FAM219A: variants seen among roughly 807,000 people sequenced by gnomAD.
FAM219A encodes the protein family with sequence similarity 219 member A.
FAM219A carries 7 observed loss-of-function variants against 23.4 expected under a neutral mutation model. That is an observed-to-expected ratio of 0.30 (90% CI 0.17 to 0.56). The LOEUF is 0.56. FAM219A is among the 20% of genes least tolerant of loss of function. The pLI, the probability that FAM219A is intolerant of heterozygous loss-of-function variation, is 0.92. For missense variants in FAM219A, 166 were observed against 246.9 expected, an observed-to-expected ratio of 0.67 and a Z score of 2.20; for synonymous variants, 93 against 99.0, an observed-to-expected ratio of 0.94 and a Z score of 0.36.
chr9:34,421,005 T>TGAGAGAGAGAGAGAGAGAGA (rs1413300702), intron 1 of FAM219A, among the ~76,000 whole-genome samples: 6 of 41,500 alleles, frequency 1.4e-4, no homozygotes, highest in African/African-American at 4.5e-4. Context: ...TGTGTGTGTG[T>TGAGAGAGAGAGAGAGAGAGA]GTGTGAGAGA....
chr9:34,445,459 T>TTA (rs2132009921), intron 1 of FAM219A, among the ~76,000 whole-genome samples: 2 of 152,298 alleles, frequency 1.3e-5, no homozygotes, highest in South Asian at 4.1e-4. Context: ...GAATGGGAGT[T>TTA]TATATTGATC....
Position 34,414,038 on chromosome 9 carries a change from T to C in FAM219A, c.61-8074A>G, listed in dbSNP as rs574022731. On this transcript the variant is annotated intron_variant, in intron 1 of 5. Coordinates refer to ENST00000651358, the MANE Select transcript of FAM219A (RefSeq NM_001184940.2). The stretch of plus-strand genomic sequence containing the variant: ...GTGTAGAAATAAGCATGTTTAGGTA[T>C]CAACTTTTAGAGGGAGACCCAGCAA... Among the ~76,000 whole-genome samples the C allele has an allele frequency of 2.0e-4, 31 of 152,224 alleles. 1 individual carries two copies. Among genetic ancestry groups the C allele is most frequent in the Non-Finnish European group, 4.3e-4 (29 of 68,030 alleles).
intron 1 of FAM219A, among the ~76,000 whole-genome samples, chr9:34,409,479 G>A (rs531807328): frequency 1.1e-4 from 16 of 152,318 alleles, no homozygotes; most frequent in South Asian, 2.1e-4. Flanking sequence ...GAACTAGAGT[G>A]GAGATTAACA....
intron 1 of FAM219A, among the ~76,000 whole-genome samples, chr9:34,433,461 C>A (rs1323393408): frequency 6.6e-6 from 1 of 152,214 alleles, no homozygotes. Context: ...CTCATCTCCC[C>A]ACCTTGTCTC....
At chr9:34,446,210 G>C (rs1275296587) in intron 1 of FAM219A, among the ~76,000 whole-genome samples, 2 of 150,490 alleles carry the variant, frequency 1.3e-5, no homozygotes, top group Non-Finnish European at 3.0e-5. Flanking sequence ...GGGAATTAAA[G>C]ATAGGGATAA....
chr9:34,439,109 G>T (rs891482132), intron 1 of FAM219A, among the ~76,000 whole-genome samples: 2 of 152,086 alleles, frequency 1.3e-5, no homozygotes, highest in African/African-American at 4.8e-5. Context: ...GCGAGACCAC[G>T]AACCCACCAG....
chr9:34,452,198 C>T (rs186559041), intron 1 of FAM219A, among the ~76,000 whole-genome samples: 37 of 152,280 alleles, frequency 2.4e-4, no homozygotes, highest in Non-Finnish European at 1.8e-4. Context: ...GGCAGATGAG[C>T]GTGTTTCTCA....
At position 34,400,806 on chromosome 9, in the gene FAM219A, C is replaced by T. The variant is rs954156803; in HGVS notation, c.*158G>A. 10 of 717,460 alleles carry T rather than the reference C, an allele frequency of 1.4e-5. No individual in the cohort carries two copies. Among genetic ancestry groups the T allele is most frequent in the Middle Eastern group, 4.1e-4 (1 of 2,426 alleles). 44.4% of individuals were successfully genotyped at this position (717,460 alleles called of 1,614,324 possible). On this transcript the variant is annotated 3_prime_UTR_variant, in exon 6 of 6. Transcript: ENST00000651358. The stretch of plus-strand genomic sequence containing the variant: ...AGCTCCATGAACACACAGAGGTACA[C>T]GTCCTACCATAGGAGGAAGCAATGA...
chr9:34,416,808 A>ATTTTT (rs781741211), intron 1 of FAM219A, among the ~76,000 whole-genome samples: 6 of 113,630 alleles, frequency 5.3e-5, no homozygotes, highest in East Asian at 2.5e-4. Flanking sequence ...TCAGCTCTCC[A>ATTTTT]TTTTTTTTTT....
At chr9:34,420,841 G>A (rs1221250310) in intron 1 of FAM219A, among the ~76,000 whole-genome samples, 3 of 152,014 alleles carry the variant, frequency 2.0e-5, no homozygotes, top group African/African-American at 4.8e-5. Context: ...TTAGCCGGGT[G>A]TGGTAGCATG....
At chr9:34,421,937 G>A (rs1822299067) in intron 1 of FAM219A, among the ~76,000 whole-genome samples, 1 of 152,102 alleles carries the variant, frequency 6.6e-6, no homozygotes. Flanking sequence ...TGTTAATACA[G>A]CGACCACACT....
chr9:34,404,689 C>T (rs1005113182), intron 2 of FAM219A, among the ~76,000 whole-genome samples: 1 of 151,198 alleles, frequency 6.6e-6, no homozygotes, highest in African/African-American at 2.5e-5. Flanking sequence ...GCCTGGACAA[C>T]AGAGAGAGAC....
chr9:34,447,131 G>A (rs1236384521), intron 1 of FAM219A, among the ~76,000 whole-genome samples: 4 of 152,236 alleles, frequency 2.6e-5, no homozygotes, highest in African/African-American at 9.6e-5. Flanking sequence ...CACACATGTA[G>A]TGTAGTTTCT....
chr9:34,436,192 GTTA>G (rs1156437158), intron 1 of FAM219A, among the ~76,000 whole-genome samples: 4 of 151,570 alleles, frequency 2.6e-5, no homozygotes, highest in South Asian at 2.1e-4. Context: ...CTATTATAAT[GTTA>G]TTATAAAATT....
rs761725999 is a variant in FAM219A, at chr9:34,401,650, A to C, written c.399+16T>G. 2 of 1,604,612 alleles carry C rather than the reference A, an allele frequency of 1.2e-6. No individual in the cohort carries two copies. The highest frequency in any genetic ancestry group is 1.7e-6 in the Non-Finnish European group (2 of 1,177,214). On this transcript the variant is annotated intron_variant, in intron 5 of 5. Transcript: ENST00000651358. The stretch of plus-strand genomic sequence containing the variant: ...CTGCCCGGTGGTGTCTAGGGTGAGA[A>C]GGGGTAGGGGCTCACCTCAGCAGAG...
rs143749316 is a variant in FAM219A, at chr9:34,421,009, TGAGA to T, written c.61-15049_61-15046del. Among the ~76,000 whole-genome samples, 217 of 86,418 alleles carry T rather than the reference TGAGA, an allele frequency of 2.5e-3. 2 individuals are homozygous for T. The highest frequency in any genetic ancestry group is 8.0e-3 in the East Asian group (27 of 3,382). 56.7% of individuals were successfully genotyped at this position (86,418 alleles called of 152,430 possible). Reference sequence around the variant, plus strand: ...GTGTGTGTATGTGTGTGTGTGTGTGTGAGAGAGAGAGAGAGAGAGAGAGAGAGAG... The same window carrying T: ...GTGTGTGTATGTGTGTGTGTGTGTGTGAGAGAGAGAGAGAGAGAGAGAGAG... On this transcript the variant is annotated intron_variant, in intron 1 of 5. Transcript: ENST00000651358.
chr9:34,421,777 A>C (rs1019833266), intron 1 of FAM219A, among the ~76,000 whole-genome samples: 4 of 151,214 alleles, frequency 2.6e-5, no homozygotes, highest in African/African-American at 4.9e-5. Flanking sequence ...ACCCCTGCTG[A>C]ACCCATCTGT....
At chr9:34,454,745 C>T (rs2132025370) in intron 1 of FAM219A, among the ~76,000 whole-genome samples, 1 of 152,266 alleles carries the variant, frequency 6.6e-6, no homozygotes, top group South Asian at 2.1e-4. Flanking sequence ...CCCAGTTCTG[C>T]CACGCCCCCA....
intron 1 of FAM219A, among the ~76,000 whole-genome samples, chr9:34,432,704 C>A (rs1278531984): frequency 6.6e-6 from 1 of 152,198 alleles, no homozygotes; most frequent in East Asian, 1.9e-4. Context: ...CCATTTCCAA[C>A]TGCGTACTAT....
Sources: allele counts gnomAD v4.1 joint callset (sites outside exome capture counted in the v4.1 genomes callset), GRCh38; gene constraint gnomAD v4.1.1; transcripts MANE v1.5; gene names NCBI Gene and HGNC (gene_info 2026-07-23, HGNC 2026-07-21).